The following OGFOD1 variants were observed in gnomAD, a reference collection of about 807,000 sequenced individuals.
OGFOD1 encodes 2-oxoglutarate and iron dependent oxygenase domain containing 1, also known as prolyl 3-hydroxylase OGFOD1.
OGFOD1 carries 54 observed loss-of-function variants against 67.7 expected under a neutral mutation model. That is an observed-to-expected ratio of 0.80 (90% CI 0.64 to 1.00). OGFOD1 has a LOEUF of 1.00. Ranked by LOEUF, OGFOD1 falls within the 50% of genes least tolerant of loss-of-function variation. The pLI is 0.00. For missense variants in OGFOD1, 606 were observed against 646.7 expected (o/e 0.94, Z 0.68); for synonymous variants, 221 against 227.0 (o/e 0.97, Z 0.24).
chr16:56,460,347 C>T (rs1962673829), intron 3 of OGFOD1, among the ~76,000 whole-genome samples: 1 of 152,212 alleles, frequency 6.6e-6, no homozygotes, highest in Non-Finnish European at 1.5e-5. Flanking sequence ...CTAACAATGA[C>T]AAAATAAGCC....
intron 4 of OGFOD1, chr16:56,465,851 A>AT (rs1298237838): frequency 9.2e-5 from 23 of 249,404 alleles, no homozygotes; most frequent in Non-Finnish European, 1.3e-4. Context: ...GTCGGATGCT[A>AT]TTTTTTTTAA....
intron 10 of OGFOD1, among the ~76,000 whole-genome samples, chr16:56,474,181 CTACTT>C (rs1350256510): frequency 6.6e-6 from 1 of 151,920 alleles, no homozygotes; most frequent in African/African-American, 2.4e-5. Flanking sequence ...TTCCTCGTTT[CTACTT>C]TAGGTAATAA....
In OGFOD1 at chr16:56,470,760, C is replaced by T; in HGVS notation, c.1254C>T (p.Asp418=). ...NNSQQSNEQT[D]PEPEENETKK... ...GCCAACAGAGCAATGAGCAGACAGA[C>T]CCAGAGCCAGAGGAAAATGAAACAA... The change falls in exon 10 of 13, where the codon GAC becomes GAT. Residue 418 remains aspartate, a synonymous_variant. Transcript: ENST00000566157. The T allele has an allele frequency of 6.2e-7, 1 of 1,603,240 alleles. No individual in the cohort carries two copies. Among genetic ancestry groups the T allele is most frequent in the Non-Finnish European group, 8.5e-7 (1 of 1,175,588 alleles).
chr16:56,472,739 A>G lies in OGFOD1; in HGVS notation c.1285+1948A>G, dbSNP rs114263739. On this transcript the variant is annotated intron_variant, in intron 10 of 12. Coordinates refer to ENST00000566157, the MANE Select transcript of OGFOD1 (RefSeq NM_018233.4). ...TGTAGACATATACATGTATACACATATGGGGGGTATATTTTTACACATCTA... is the reference window on the plus strand; with the variant it reads ...TGTAGACATATACATGTATACACATGTGGGGGGTATATTTTTACACATCTA... 3.2e-3 allele frequency among the ~76,000 whole-genome samples: 494 copies of G among 152,254 alleles called. 6 individuals are homozygous for G. Among genetic ancestry groups the G allele is most frequent in the African/African-American group, 0.011 (452 of 41,550 alleles).
In OGFOD1 at chr16:56,474,795, T is replaced by C. The variant is rs765153777; in HGVS notation, c.1286-33T>C. 2.5e-6 allele frequency: 4 copies of C among 1,584,056 alleles called. No homozygotes were observed. In the African/African-American group the frequency reaches 4.1e-5, roughly 16 times the overall value. On this transcript the variant is annotated intron_variant, in intron 10 of 12. Transcript: ENST00000566157. ...TCCAACAGTTCTATCAAGGTTATTT[T>C]TTAAAGTTTCTCATCTTTTTTTTTT...
chr16:56,474,628 A>G (rs371443551), intron 10 of OGFOD1, among the ~76,000 whole-genome samples, 200 bp from the exon 11 acceptor site: 1 of 152,010 alleles, frequency 6.6e-6, no homozygotes, highest in Admixed American at 6.6e-5. Context: ...CCCAAAATTC[A>G]ACTTTTTTAC....
chr16:56,471,365 G>T (rs945681830), intron 10 of OGFOD1, among the ~76,000 whole-genome samples: 2 of 92,582 alleles, frequency 2.2e-5, no homozygotes, highest in Non-Finnish European at 2.3e-5. Context: ...ACATCTCAAA[G>T]AAAAAAAAAA....
intron 11 of OGFOD1, among the ~76,000 whole-genome samples, 160 bp downstream of exon 11, chr16:56,475,110 CCA>C (rs1410372217): frequency 6.6e-6 from 1 of 152,136 alleles, no homozygotes; most frequent in East Asian, 1.9e-4. Context: ...GTCATGAATT[CCA>C]GTCTCCCAGC....
At chr16:56,460,445 A>C (rs1219037751) in intron 3 of OGFOD1, among the ~76,000 whole-genome samples, 1 of 152,246 alleles carries the variant, frequency 6.6e-6, no homozygotes, top group Non-Finnish European at 1.5e-5. Context: ...ATTTAAGACT[A>C]TTAGTTGCTT....
intron 11 of OGFOD1, 50 bp from the exon 12 acceptor site, chr16:56,475,457 G>T: frequency 1.3e-6 from 2 of 1,539,806 alleles, no homozygotes; most frequent in South Asian, 2.2e-5. Flanking sequence ...TAGATGGTGC[G>T]ACTCTTTCAA....
intron 8 of OGFOD1, among the ~76,000 whole-genome samples, chr16:56,468,725 CA>C (rs34973805): frequency 0.66 from 87,052 of 132,806 alleles, 28,409 homozygotes; most frequent in African/African-American, 0.88. Flanking sequence ...GACTCCGTCT[CA>C]AAAAAAAAAA....
intron 2 of OGFOD1, among the ~76,000 whole-genome samples, chr16:56,457,200 T>C (rs1962551348): frequency 6.6e-6 from 1 of 152,230 alleles, no homozygotes; most frequent in Admixed American, 6.5e-5. Flanking sequence ...AAACAAAATG[T>C]GGTATACCCA....
intron 8 of OGFOD1, among the ~76,000 whole-genome samples, chr16:56,468,822 A>C (rs533051342): frequency 6.6e-6 from 1 of 151,782 alleles, no homozygotes; most frequent in Non-Finnish European, 1.5e-5. Flanking sequence ...CTGGGTATTT[A>C]TTTTGTCTTC....
intron 10 of OGFOD1, among the ~76,000 whole-genome samples, chr16:56,471,482 A>C (rs756915578): frequency 1.3e-5 from 2 of 152,250 alleles, no homozygotes; most frequent in Non-Finnish European, 2.9e-5. Flanking sequence ...TAAGAATTTA[A>C]GAGGTAACAC....
chr16:56,462,035 A>G (rs1237848032), intron 3 of OGFOD1, among the ~76,000 whole-genome samples: 1 of 151,870 alleles, frequency 6.6e-6, no homozygotes, highest in African/African-American at 2.4e-5. Context: ...AGAGGTTGCA[A>G]TGAGCCAAGA....
intron 3 of OGFOD1, 28 bp from the exon 4 acceptor site, chr16:56,462,506 A>C: frequency 4.1e-6 from 6 of 1,459,542 alleles, no homozygotes; most frequent in Non-Finnish European, 3.8e-6. Context: ...CTGTGGCATA[A>C]CAAGTTATCT....
In OGFOD1 at chr16:56,467,821, G is replaced by A. The variant is rs1337761146; in HGVS notation, c.787-84G>A. 4.0e-6 allele frequency: 3 copies of A among 749,252 alleles called. No individual in the cohort carries two copies. In the African/African-American group the frequency reaches 5.2e-5, roughly 13 times the overall value. 46.4% of individuals were successfully genotyped at this position (749,252 alleles called of 1,614,324 possible). The stretch of plus-strand genomic sequence containing the variant: ...AAACTTATAAAATGAGGATTTGCAT[G>A]TATTTTATTAGTGTGAAATGATGTA... On this transcript the variant is annotated intron_variant, in intron 7 of 12. Transcript: ENST00000566157.
chr16:56,461,038 T>G (rs1309936616), intron 3 of OGFOD1, among the ~76,000 whole-genome samples: 1 of 152,264 alleles, frequency 6.6e-6, no homozygotes, highest in Non-Finnish European at 1.5e-5. Context: ...CTCATTATTA[T>G]GCATTTAATT....
intron 10 of OGFOD1, among the ~76,000 whole-genome samples, chr16:56,473,901 G>A (rs969247657): frequency 6.6e-6 from 1 of 151,888 alleles, no homozygotes; most frequent in Admixed American, 6.6e-5. Context: ...CTGCCTCCCA[G>A]GTTCAAGCGA....
Sources: allele counts gnomAD v4.1 joint callset (sites outside exome capture counted in the v4.1 genomes callset), GRCh38; gene constraint gnomAD v4.1.1; transcripts MANE v1.5; gene names NCBI Gene and HGNC (gene_info 2026-07-23, HGNC 2026-07-21).